The following KDR variants were observed in gnomAD, a reference collection of about 807,000 sequenced individuals.
KDR encodes the protein kinase insert domain receptor.
KDR carries 43 observed loss-of-function variants against 160.9 expected under a neutral mutation model. The ratio of observed to expected loss-of-function variants is 0.27; its 90% CI spans 0.21 to 0.34. The LOEUF (loss-of-function observed/expected upper bound fraction) is 0.34. Among genes scored for constraint, KDR ranks in the 10% least tolerant of loss-of-function variants. The pLI, the probability that KDR is intolerant of heterozygous loss-of-function variation, is 1.00. For missense variants in KDR, 1,469 were observed against 1,666.4 expected (o/e 0.88, Z 2.06); for synonymous variants, 617 against 600.1 (o/e 1.03, Z -0.41).
rs377524308 is a variant in KDR, at chr4:55,115,007, G to C, written c.525C>G (p.Asn175Lys). 6.2e-7 allele frequency: 1 copy of C among 1,613,654 alleles called. No homozygotes were observed. Among genetic ancestry groups the C allele is most frequent in the Non-Finnish European group, 8.5e-7 (1 of 1,179,700 alleles). The change falls in exon 5 of 30, where the codon AAC becomes AAG. Residue 175 changes from asparagine (N) to lysine (K), a missense_variant. This residue lies in a region of KDR where 792 missense variants were observed against 840.9 expected (regional missense o/e 0.94). Coordinates refer to ENST00000263923, the MANE Select transcript of KDR (RefSeq NM_002253.4). ...YPEKRFVPDGNRISWDSKKGF... is the reference protein window; with the variant it reads ...YPEKRFVPDGKRISWDSKKGF... The stretch of plus-strand genomic sequence containing the variant: ...CCTTCTTGCTGTCCCAGGAAATTCT[G>C]TTACCATCAGGAACAAATCTCTTTT...
intron 2 of KDR, among the ~76,000 whole-genome samples, chr4:55,119,095 G>C (rs140832758): frequency 0.016 from 2,363 of 152,156 alleles, 24 homozygotes; most frequent in Non-Finnish European, 0.023. Flanking sequence ...TGTAATCCCA[G>C]CTACTCAGGA....
intron 5 of KDR, 73 bp from the exon 6 acceptor site, chr4:55,114,338 T>C: frequency 6.6e-7 from 1 of 1,506,916 alleles, no homozygotes; most frequent in African/African-American, 1.4e-5. Flanking sequence ...GATTTATTTT[T>C]TAAAGTAATG....
rs1193669433 is a variant in KDR at position 55,121,182 on chromosome 4, T to G, written c.76A>C (p.Ser26Arg). The G allele has an allele frequency of 1.2e-6, 2 of 1,611,882 alleles. No homozygotes were observed. The highest frequency in any genetic ancestry group is 1.7e-6 in the Non-Finnish European group (2 of 1,178,158). ...AGCCTGGGCAGATCAAGAGAAACAC[T>G]AGGCAAACCTAGAAACAAATTAAAT... ...ETRAASVGLP[S>R]VSLDLPRLSI... Residue 26 changes from serine to arginine, a missense_variant, in exon 2 of 30, where the codon AGT becomes CGT. Around this residue, in one of 7 missense-constraint regions of KDR, gnomAD observed 792 missense variants for 840.9 expected, o/e 0.94. Transcript: ENST00000263923.
intron 9 of KDR, among the ~76,000 whole-genome samples, 186 bp downstream of exon 9, chr4:55,110,213 TAAAC>T (rs1720542506): frequency 6.6e-6 from 1 of 152,184 alleles, no homozygotes. Context: ...CACGGCCTCT[TAAAC>T]AAACATGGCC....
In KDR at chr4:55,118,752, A is replaced by T. The variant is rs80237618; in HGVS notation, c.210T>A (p.Ser70Arg). Reference sequence around the variant, plus strand: ...ACTCAGTCACCTCCACCCTTTGCTCACTGCCACTCTGATTATTGGGCCAAA... The same window carrying T: ...ACTCAGTCACCTCCACCCTTTGCTCTCTGCCACTCTGATTATTGGGCCAAA... ...DWLWPNNQSG[S>R]EQRVEVTECS... is the part of the protein sequence containing the mutation. Residue 70 changes from serine to arginine, a missense_variant, in exon 3 of 30, where the codon AGT (serine) becomes AGA (arginine). Ser to Arg is a moderately radical substitution (Grantham distance 110). Around this residue, in one of 7 missense-constraint regions of KDR, gnomAD observed 792 missense variants for 840.9 expected, o/e 0.94. Transcript: ENST00000263923. The T allele has an allele frequency of 1.9e-6, 3 of 1,614,014 alleles. No homozygotes were observed. The highest frequency in any genetic ancestry group is 3.3e-4 in the Middle Eastern group (2 of 6,084).
chr4:55,106,690 G>A lies in KDR; in HGVS notation c.1533C>T (p.Asn511=). 6.4e-7 allele frequency: 1 copy of A among 1,560,174 alleles called. No individual in the cohort carries two copies. Among genetic ancestry groups the A allele is most frequent in the Non-Finnish European group, 8.8e-7 (1 of 1,131,422 alleles). Residue 511 remains asparagine (N), a synonymous_variant, in exon 11 of 30, where the codon AAC becomes AAT. Coordinates refer to ENST00000263923, the MANE Select transcript of KDR (RefSeq NM_002253.4). ...AATTTTAAAACTTCAAACTCACTTTGTTTTTTCCTTCAATTAGAGCAAATT... is the reference window on the plus strand; with the variant it reads ...AATTTTAAAACTTCAAACTCACTTTATTTTTTCCTTCAATTAGAGCAAATT... ...KNQFALIEGK[N]KTVSTLVIQA...
At chr4:55,113,531 C>T in intron 6 of KDR, 50 bp from the exon 7 acceptor site, 1 of 1,504,490 alleles carries the variant, frequency 6.6e-7, no homozygotes, top group Non-Finnish European at 9.3e-7. Flanking sequence ...ATAACATTAC[C>T]CAATAACTTC....
At chr4:55,100,371 A>AG (rs1484456861) in intron 15 of KDR, among the ~76,000 whole-genome samples, 5 of 152,164 alleles carry the variant, frequency 3.3e-5, no homozygotes, top group Non-Finnish European at 7.4e-5. Context: ...AAGTTCAAAG[A>AG]GTCTGTTTTC....
chr4:55,110,325 G>A (rs1720545178), intron 9 of KDR, 78 bp downstream of exon 9: 2 of 1,446,732 alleles, frequency 1.4e-6, no homozygotes, highest in African/African-American at 1.4e-5. Flanking sequence ...AGGAGGCAGA[G>A]GAACGGTGGT....
chr4:55,104,378 AG>A, intron 13 of KDR, among the ~76,000 whole-genome samples: 1 of 152,180 alleles, frequency 6.6e-6, no homozygotes, highest in Non-Finnish European at 1.5e-5. Context: ...GCCCAAGATA[AG>A]GCAGAAGTTT....
chr4:55,111,159 C>T (rs1720573027), intron 7 of KDR, among the ~76,000 whole-genome samples: 1 of 152,178 alleles, frequency 6.6e-6, no homozygotes, highest in Non-Finnish European at 1.5e-5. Flanking sequence ...GTCCTCAGAC[C>T]TCCTCTTTAT....
intron 9 of KDR, among the ~76,000 whole-genome samples, chr4:55,109,958 A>G (rs1720536063): frequency 6.6e-6 from 1 of 152,222 alleles, no homozygotes; most frequent in Admixed American, 6.5e-5. Context: ...AAAAGCCTTC[A>G]GAGTTGGAAC....
intron 27 of KDR, among the ~76,000 whole-genome samples, chr4:55,083,019 C>T (rs190973710): frequency 5.5e-4 from 84 of 152,250 alleles, no homozygotes; most frequent in African/African-American, 1.9e-3. Context: ...CTGGCCATCT[C>T]CTGGGAAAGT....
intron 27 of KDR, among the ~76,000 whole-genome samples, chr4:55,085,974 A>G (rs1398132657): frequency 6.6e-6 from 1 of 152,240 alleles, no homozygotes; most frequent in Non-Finnish European, 1.5e-5. Context: ...ACTTGGTCAC[A>G]GAAAACACAT....
chr4:55,124,048 G>A (rs1339474655), intron 1 of KDR, among the ~76,000 whole-genome samples: 1 of 152,208 alleles, frequency 6.6e-6, no homozygotes, highest in East Asian at 1.9e-4. Context: ...GGGCTTGTCT[G>A]GGACAAATGA....
At chr4:55,084,123 G>A (rs985897809) in intron 27 of KDR, among the ~76,000 whole-genome samples, 4 of 152,120 alleles carry the variant, frequency 2.6e-5, no homozygotes, top group Non-Finnish European at 5.9e-5. Context: ...GGAAACCAAG[G>A]CATAGAAAAT....
Position 55,079,048 on chromosome 4 carries a change from T to C in KDR, c.*893A>G. The stretch of plus-strand genomic sequence containing the variant: ...CTCAGACATATCACATCAGGACAGA[T>C]ATGAGGGTATTCATTCCAGAAGAAA... On this transcript the variant is annotated 3_prime_UTR_variant, in exon 30 of 30. Transcript: ENST00000263923. 4.3e-6 allele frequency: 1 copy of C among 233,188 alleles called. No homozygotes were observed. The highest frequency in any genetic ancestry group is 8.5e-6 in the Non-Finnish European group (1 of 118,052). 14.4% of individuals were successfully genotyped at this position (233,188 alleles called of 1,614,324 possible).
chr4:55,079,964 T>A lies in KDR; in HGVS notation c.4048A>T (p.Thr1350Ser), dbSNP rs1719687987. 1 of 1,614,170 alleles carries A rather than the reference T, an allele frequency of 6.2e-7. No individual in the cohort carries two copies. Among genetic ancestry groups the A allele is most frequent in the Non-Finnish European group, 8.5e-7 (1 of 1,180,012 alleles). Reference sequence around the variant, plus strand: ...TTTTAAACAGGAGGAGAGCTCAGTGTGGTCCCCGAGTCAGGCTGGAGAATC... The same window carrying A: ...TTTTAAACAGGAGGAGAGCTCAGTGAGGTCCCCGAGTCAGGCTGGAGAATC... Reference protein sequence around the residue: ...AQILQPDSGTTLSSPPV With the variant: ...AQILQPDSGTSLSSPPV Residue 1350 changes from threonine to serine, a missense_variant, in exon 30 of 30, where the codon ACA (threonine) becomes TCA (serine). This residue lies in a region of KDR where 229 missense variants were observed against 197.8 expected (regional missense o/e 1.16). Transcript: ENST00000263923.
At chr4:55,107,921 T>A in intron 9 of KDR, 28 bp from the exon 10 acceptor site, 1 of 1,613,028 alleles carries the variant, frequency 6.2e-7, no homozygotes, top group Non-Finnish European at 8.5e-7. Flanking sequence ...AACTTTTGAA[T>A]TGTCAGTCAG....
Sources: gnomAD v4.1 joint callset for allele counts (sites outside exome capture counted in the v4.1 genomes callset) on GRCh38, gnomAD v4.1.1 for gene constraint, gnomAD v4.1.1 regional missense constraint, MANE v1.5 for transcripts, NCBI Gene and HGNC (gene_info 2026-07-23, HGNC 2026-07-21) for gene names.